PCDHGA5: variants seen among roughly 807,000 people sequenced by gnomAD.
The protein encoded by PCDHGA5 is protocadherin gamma subfamily A, 5.
A neutral mutation model predicts 56.7 loss-of-function variants in PCDHGA5; 36 were observed. That is an observed-to-expected ratio of 0.64 (90% CI 0.49 to 0.84). PCDHGA5 has a LOEUF of 0.84. Among genes scored for constraint, PCDHGA5 ranks in the 40% least tolerant of loss-of-function variants. The pLI is 0.00. For missense variants in PCDHGA5, 1,305 were observed against 1,201.5 expected, an observed-to-expected ratio of 1.09 and a Z score of -1.27; for synonymous variants, 563 against 520.2, an observed-to-expected ratio of 1.08 and a Z score of -1.12.
At chr5:141,427,397 T>C (rs944166415) in intron 1 of PCDHGA5, 2 of 460,626 alleles carry the variant, frequency 4.3e-6, no homozygotes, top group South Asian at 1.5e-5. Flanking sequence ...AAACACATGA[T>C]AAAGATTCGA....
Position 141,393,820 on chromosome 5 carries a change from CG to C in PCDHGA5, c.2421+27071del, listed in dbSNP as rs370400807. Reference sequence around the variant, plus strand: ...CTGGGGAGGACCAAATTGCTCATTTCGGTGGAAGATGTAAATGACAATAGAC... The same window carrying C: ...CTGGGGAGGACCAAATTGCTCATTTCGTGGAAGATGTAAATGACAATAGAC... On this transcript the variant is annotated intron_variant, in intron 1 of 3. Transcript: ENST00000518069. The C allele has an allele frequency of 9.3e-6, 15 of 1,613,800 alleles. No individual in the cohort carries two copies. In the African/African-American group the frequency reaches 9.3e-5, roughly 10 times the overall value.
chr5:141,409,566 C>G (rs750850161), intron 1 of PCDHGA5: 1 of 1,613,978 alleles, frequency 6.2e-7, no homozygotes, highest in South Asian at 1.1e-5. Flanking sequence ...TTCGACCAGA[C>G]GTCCTACGTG....
At chr5:141,509,551 C>T (rs2099877337) in intron 3 of PCDHGA5, among the ~76,000 whole-genome samples, 1 of 152,164 alleles carries the variant, frequency 6.6e-6, no homozygotes, top group South Asian at 2.1e-4. Context: ...CTCATTTAGT[C>T]CTCACAGCAG....
Position 141,511,072 on chromosome 5 carries a change from A to C in PCDHGA5, c.2695A>C (p.Ser899Arg). The C allele has an allele frequency of 6.2e-7, 1 of 1,614,252 alleles. No individual in the cohort carries two copies. Among genetic ancestry groups the C allele is most frequent in the Non-Finnish European group, 8.5e-7 (1 of 1,180,034 alleles). Residue 899 changes from serine to arginine, a missense_variant, in exon 4 of 4, where the codon AGC (serine) becomes CGC (arginine). Ser to Arg is a moderately radical substitution (Grantham distance 110). Coordinates refer to ENST00000518069, the MANE Select transcript of PCDHGA5 (RefSeq NM_018918.3). ...CCGCCAGAATGTCTACATCCCAGGC[A>C]GCAATGCCACACTGACCAACGCAGC... ...DYRQNVYIPG[S>R]NATLTNAAGK...
intron 1 of PCDHGA5, among the ~76,000 whole-genome samples, chr5:141,459,348 C>G (rs1015330513): frequency 2.6e-5 from 4 of 152,194 alleles, no homozygotes; most frequent in Admixed American, 2.0e-4. Context: ...TCTTGAAATT[C>G]ATTCATGTTC....
chr5:141,485,687 C>T lies in PCDHGA5; in HGVS notation c.2422-9120C>T. 1 of 1,614,066 alleles carries T rather than the reference C, an allele frequency of 6.2e-7. No individual in the cohort carries two copies. Among genetic ancestry groups the T allele is most frequent in the Non-Finnish European group, 8.5e-7 (1 of 1,179,966 alleles). ...GAGCAATTCGATTAGCAGCTATAGG[C>T]TGAGCTCCAATGAACACTTTGCACT... On this transcript the variant is annotated intron_variant, in intron 1 of 3. Transcript: ENST00000518069. The surrounding 1 kb of genome is among the most constrained non-coding windows in gnomAD (Gnocchi z 5.7).
chr5:141,380,372 C>T lies in PCDHGA5; in HGVS notation c.2421+13621C>T, dbSNP rs73265858. On this transcript the variant is annotated intron_variant, in intron 1 of 3. Transcript: ENST00000518069. ...TTGTTTGTTTTTTAGAAAAAAAAGT[C>T]CCAAAAAAGAAAAGAGAGAAGATAA... 8.4e-3 allele frequency among the ~76,000 whole-genome samples: 1,279 copies of T among 152,058 alleles called. 17 individuals are homozygous for T. Among genetic ancestry groups the T allele is most frequent in the African/African-American group, 0.029 (1,214 of 41,474 alleles).
chr5:141,370,282 G>A, intron 1 of PCDHGA5: 2 of 938,864 alleles, frequency 2.1e-6, no homozygotes, highest in South Asian at 3.9e-5. Context: ...ACACCCATTA[G>A]AGAACCCAAG....
chr5:141,383,977 A>G (rs1187887484), intron 1 of PCDHGA5: 1 of 1,613,786 alleles, frequency 6.2e-7, no homozygotes, highest in Non-Finnish European at 8.5e-7. Flanking sequence ...CCCTGAAGAC[A>G]CACCTCTTGG....
At chr5:141,483,076 C>A (rs964178941) in intron 1 of PCDHGA5, among the ~76,000 whole-genome samples, 8 of 152,044 alleles carry the variant, frequency 5.3e-5, no homozygotes, top group Non-Finnish European at 8.8e-5. Context: ...CAGAGAGAGA[C>A]TCCATCTCAA....
intron 1 of PCDHGA5, among the ~76,000 whole-genome samples, chr5:141,468,890 G>A (rs2099184679): frequency 6.6e-6 from 1 of 151,592 alleles, no homozygotes; most frequent in African/African-American, 2.4e-5. Flanking sequence ...TAATAATAAG[G>A]TACTAATATG....
intron 1 of PCDHGA5, chr5:141,478,557 G>A (rs1316386006): frequency 1.2e-6 from 2 of 1,600,016 alleles, no homozygotes; most frequent in Non-Finnish European, 1.7e-6. Context: ...GTAAGGTTTA[G>A]CAAGTCATGC....
chr5:141,385,231 A>G (rs1781024340), intron 1 of PCDHGA5: 1 of 1,614,136 alleles, frequency 6.2e-7, no homozygotes, highest in Non-Finnish European at 8.5e-7. Flanking sequence ...CTATGTAGAC[A>G]TGCTCATCAG....
chr5:141,456,835 C>T (rs1261094365), intron 1 of PCDHGA5, among the ~76,000 whole-genome samples: 3 of 152,000 alleles, frequency 2.0e-5, no homozygotes, highest in African/African-American at 4.8e-5. Flanking sequence ...TGGTAGTGGG[C>T]GCCTGTAATC....
At chr5:141,374,357 C>T (rs1490017184) in intron 1 of PCDHGA5, 1 of 1,614,018 alleles carries the variant, frequency 6.2e-7, no homozygotes, top group South Asian at 1.1e-5. Context: ...TAGGATAGAC[C>T]GCGAGGAGCT....
intron 1 of PCDHGA5, among the ~76,000 whole-genome samples, chr5:141,474,143 TATC>T (rs1371874237): frequency 1.3e-5 from 2 of 152,188 alleles, no homozygotes; most frequent in Non-Finnish European, 2.9e-5. Context: ...CAGGCCTTAT[TATC>T]AAGAAAATGA....
chr5:141,438,513 A>G (rs2097964808), intron 1 of PCDHGA5, among the ~76,000 whole-genome samples: 1 of 148,768 alleles, frequency 6.7e-6, no homozygotes, highest in Non-Finnish European at 1.5e-5. Context: ...TGCAAAACCA[A>G]TTATTTTACA....
Position 141,394,683 on chromosome 5 carries a change from G to A in PCDHGA5, c.2421+27932G>A, listed in dbSNP as rs1008097766. ...ACTCTTCTCGGTGGGTCTGCACACG[G>A]GCGAGGTGCGCACGGCGCGAGCCCT... On this transcript the variant is annotated intron_variant, in intron 1 of 3. Coordinates refer to ENST00000518069, the MANE Select transcript of PCDHGA5 (RefSeq NM_018918.3). 5 of 1,611,630 alleles carry A rather than the reference G, an allele frequency of 3.1e-6. No homozygotes were observed. In the African/African-American group the frequency reaches 5.4e-5, roughly 17 times the overall value.
intron 2 of PCDHGA5, among the ~76,000 whole-genome samples, chr5:141,500,892 G>GAT (rs1036007799): frequency 1.1e-5 from 1 of 88,010 alleles, no homozygotes; most frequent in African/African-American, 7.1e-5. Flanking sequence ...TTTTTTTTGA[G>GAT]ACAGTCTCGC....
Sources: gnomAD v4.1 joint callset for allele counts (sites outside exome capture counted in the v4.1 genomes callset) on GRCh38, gnomAD v4.1.1 for gene constraint, Gnocchi (gnomAD v3.1) non-coding constraint, MANE v1.5 for transcripts, NCBI Gene and HGNC (gene_info 2026-07-23, HGNC 2026-07-21) for gene names.